Variants in PDE1C observed in about 807,000 individuals in gnomAD.
PDE1C encodes dual specificity calcium/calmodulin-dependent 3',5'-cyclic nucleotide phosphodiesterase 1C.
A neutral mutation model predicts 93.1 loss-of-function variants in PDE1C; 62 were observed. The ratio of observed to expected loss-of-function variants is 0.67; its 90% CI spans 0.54 to 0.82. The LOEUF is 0.82. Ranked by LOEUF, PDE1C falls within the 40% of genes least tolerant of loss-of-function variation. The pLI, the probability that PDE1C is intolerant of heterozygous loss-of-function variation, is 0.00. For missense variants in PDE1C, 742 were observed against 884.6 expected (o/e 0.84, Z 2.04); for synonymous variants, 325 against 310.1 (o/e 1.05, Z -0.50).
intron 1 of PDE1C, among the ~76,000 whole-genome samples, chr7:32,426,837 G>A (rs1431722262): frequency 6.6e-6 from 1 of 152,150 alleles, no homozygotes; most frequent in Non-Finnish European, 1.5e-5. Flanking sequence ...CTGTAAGCCA[G>A]TCCCCCTCAC....
intron 7 of PDE1C, among the ~76,000 whole-genome samples, chr7:31,860,089 T>C (rs1395150181): frequency 2.0e-5 from 3 of 152,212 alleles, no homozygotes; most frequent in East Asian, 1.9e-4. Flanking sequence ...TTCCTTATAG[T>C]AATCACTGCA....
intron 2 of PDE1C, among the ~76,000 whole-genome samples, chr7:32,194,413 T>G (rs1211917197): frequency 6.6e-6 from 1 of 152,256 alleles, no homozygotes; most frequent in Non-Finnish European, 1.5e-5. Context: ...CAATTATAAT[T>G]GTAGATTTTT....
At chr7:31,881,253 T>G (rs1797215086) in intron 2 of PDE1C, among the ~76,000 whole-genome samples, 1 of 152,158 alleles carries the variant, frequency 6.6e-6, no homozygotes, top group Admixed American at 6.5e-5. Flanking sequence ...GGTCCAGCAG[T>G]GGCCCCAGAT....
At chr7:31,760,474 T>C (rs886308241) in intron 17 of PDE1C, among the ~76,000 whole-genome samples, 3 of 152,150 alleles carry the variant, frequency 2.0e-5, no homozygotes, top group Admixed American at 1.3e-4. Context: ...GCACTGGCCT[T>C]GGTCCTTTCA....
chr7:31,726,845 C>A, the PDE1C span, among the ~76,000 whole-genome samples: 1 of 152,016 alleles, frequency 6.6e-6, no homozygotes, highest in Non-Finnish European at 1.5e-5. Flanking sequence ...CCAAACAGGC[C>A]AACAGGATGA....
chr7:32,181,817 A>G (rs1225658662), intron 2 of PDE1C, among the ~76,000 whole-genome samples: 30 of 152,188 alleles, frequency 2.0e-4, no homozygotes, highest in African/African-American at 2.9e-4. Flanking sequence ...AACTGAAGGA[A>G]ATAGAGACAC....
intron 3 of PDE1C, among the ~76,000 whole-genome samples, chr7:32,101,697 C>T (rs899161405): frequency 4.6e-5 from 7 of 152,264 alleles, no homozygotes; most frequent in East Asian, 1.9e-4. Context: ...CCTGCAGAAC[C>T]GTGAGCCAAA....
At chr7:31,890,031 C>T (rs772526691) in intron 2 of PDE1C, among the ~76,000 whole-genome samples, 4 of 151,912 alleles carry the variant, frequency 2.6e-5, no homozygotes, top group African/African-American at 4.8e-5. Flanking sequence ...GAAAATCTTT[C>T]GTGAAGGTAA....
At chr7:32,162,333 C>T (rs1003449159) in intron 3 of PDE1C, among the ~76,000 whole-genome samples, 6 of 152,182 alleles carry the variant, frequency 3.9e-5, no homozygotes, top group East Asian at 1.9e-4. Flanking sequence ...AGCTATGCCC[C>T]CCGTGCCAAG....
rs561607271 is a variant in PDE1C, at chr7:32,329,335, C to T, written c.310+98487G>A. 1.6e-4 allele frequency among the ~76,000 whole-genome samples: 24 copies of T among 152,232 alleles called. No individual in the cohort carries two copies. The South Asian group carries it at 4.6e-3, about 29-fold the overall frequency. ...TGCTCTGAGATGCTCAGAGGAGAGGCCTCATTTATACATCAACGTAGCCAT... is the reference window on the plus strand; with the variant it reads ...TGCTCTGAGATGCTCAGAGGAGAGGTCTCATTTATACATCAACGTAGCCAT... On this transcript the variant is annotated intron_variant, in intron 1 of 1. Transcript: ENST00000672256.
intron 7 of PDE1C, among the ~76,000 whole-genome samples, chr7:31,857,825 G>C (rs1359069403): frequency 6.6e-6 from 1 of 152,130 alleles, no homozygotes; most frequent in East Asian, 1.9e-4. Flanking sequence ...TTTTTAAAAA[G>C]ACTTTTAAAG....
chr7:32,420,336 T>C (rs13307535), intron 1 of PDE1C, among the ~76,000 whole-genome samples: 2 of 2,742 alleles, frequency 7.3e-4, no homozygotes, highest in Non-Finnish European at 4.6e-3. Context: ...TGTATATATA[T>C]ATGTGTATAT....
At chr7:31,764,481 C>T (rs1192212928) in intron 17 of PDE1C, among the ~76,000 whole-genome samples, 1 of 152,142 alleles carries the variant, frequency 6.6e-6, no homozygotes, top group Non-Finnish European at 1.5e-5. Flanking sequence ...ACCTCAAGTA[C>T]AAAGAGTGCT....
chr7:32,212,012 C>T (rs773900406), intron 1 of PDE1C, among the ~76,000 whole-genome samples: 8 of 100,918 alleles, frequency 7.9e-5, no homozygotes, highest in Admixed American at 6.9e-4. Flanking sequence ...GGCAACAGAA[C>T]GAGAACCTAT....
chr7:31,647,606 G>A, the PDE1C span, among the ~76,000 whole-genome samples: 7 of 150,288 alleles, frequency 4.7e-5, no homozygotes, highest in Admixed American at 2.0e-4. Flanking sequence ...CCTGGGAGGC[G>A]GAGACTGCAG....
chr7:32,057,487 G>T (rs997341454), intron 1 of PDE1C, among the ~76,000 whole-genome samples: 2 of 152,162 alleles, frequency 1.3e-5, no homozygotes, highest in African/African-American at 4.8e-5. Flanking sequence ...GTCACATCCT[G>T]ACAGGCAGAT....
chr7:31,992,937 C>T (rs58778041), intron 2 of PDE1C, among the ~76,000 whole-genome samples: 11,078 of 152,196 alleles, frequency 0.073, 664 homozygotes, highest in East Asian at 0.26. Flanking sequence ...TTATATGGAA[C>T]ATAATGAAGT....
intron 1 of PDE1C, among the ~76,000 whole-genome samples, chr7:32,298,130 T>A (rs2128901016): frequency 6.7e-6 from 1 of 149,682 alleles, no homozygotes; most frequent in South Asian, 2.2e-4. Context: ...TCAGTCACTG[T>A]CTCCACGTCT....
At chr7:32,092,525 C>A (rs1797526105) in intron 3 of PDE1C, among the ~76,000 whole-genome samples, 1 of 152,182 alleles carries the variant, frequency 6.6e-6, no homozygotes, top group South Asian at 2.1e-4. Context: ...ACAGGCATTT[C>A]TGGCTAGCCT....
Sources: gnomAD v4.1 joint callset for allele counts (sites outside exome capture counted in the v4.1 genomes callset) on GRCh38, gnomAD v4.1.1 for gene constraint, MANE v1.5 for transcripts, NCBI Gene and HGNC (gene_info 2026-07-23, HGNC 2026-07-21) for gene names.